PAWR: variants seen among roughly 807,000 people sequenced by gnomAD.
PAWR encodes pro-apoptotic WT1 regulator.
Under a neutral mutation model 32.0 loss-of-function variants are expected in PAWR, and 23 were observed. The observed-to-expected ratio is 0.72, with a 90% CI of 0.52 to 1.02. PAWR has a LOEUF of 1.02. Among genes scored for constraint, PAWR ranks in the 50% least tolerant of loss-of-function variants. PAWR has a pLI of 0.00. For missense variants in PAWR, 457 were observed against 437.7 expected (o/e 1.04, Z -0.39); for synonymous variants, 226 against 187.1 (o/e 1.21, Z -1.70).
chr12:79,596,694 T>A lies in PAWR; in HGVS notation c.684-36A>T, dbSNP rs768047687. 6 of 1,421,212 alleles carry A rather than the reference T, an allele frequency of 4.2e-6. No individual in the cohort carries two copies. In the African/African-American group the frequency reaches 5.9e-5, roughly 14 times the overall value. The allele number at this position is 1,421,212 out of a possible 1,614,324, so 88.0% of individuals were successfully genotyped here. ...ATAAACATTTTATTAAAATCCCTAGTATTCAGCAAGAAAAATGCCAAGAAT... is the reference window on the plus strand; with the variant it reads ...ATAAACATTTTATTAAAATCCCTAGAATTCAGCAAGAAAAATGCCAAGAAT... On this transcript the variant is annotated intron_variant, in intron 4 of 6. Transcript: ENST00000328827.
chr12:79,660,546 A>G (rs1299234238), intron 2 of PAWR, among the ~76,000 whole-genome samples: 2 of 151,878 alleles, frequency 1.3e-5, no homozygotes, highest in Admixed American at 6.6e-5. Context: ...CAGACGTGAT[A>G]TATCTAGCAA....
intron 2 of PAWR, among the ~76,000 whole-genome samples, chr12:79,680,936 A>T (rs1186951438): frequency 6.6e-6 from 1 of 151,842 alleles, no homozygotes; most frequent in Non-Finnish European, 1.5e-5. Flanking sequence ...CAACATACTG[A>T]GACCCCATCT....
At chr12:79,593,123 A>G (rs1873615982) in intron 6 of PAWR, among the ~76,000 whole-genome samples, 1 of 152,036 alleles carries the variant, frequency 6.6e-6, no homozygotes, top group African/African-American at 2.4e-5. Context: ...CAAAAGGTGC[A>G]GGTACAAGTT....
At chr12:79,690,474 C>G (rs974437839) in intron 1 of PAWR, 83 bp from the exon 2 acceptor site, 3 of 852,574 alleles carry the variant, frequency 3.5e-6, no homozygotes, top group Non-Finnish European at 4.8e-6. Context: ...GGCTGCGCCC[C>G]TTGGAGTCCT....
chr12:79,646,866 C>T (rs557947634), intron 2 of PAWR, among the ~76,000 whole-genome samples: 6 of 152,142 alleles, frequency 3.9e-5, no homozygotes, highest in African/African-American at 1.2e-4. Flanking sequence ...AGTTTGTAAA[C>T]TATCAAATAA....
At position 79,587,924 on chromosome 12, in the gene PAWR, C is replaced by G. The variant is rs183070376; in HGVS notation, c.*4683G>C. On this transcript the variant is annotated 3_prime_UTR_variant, in exon 7 of 7. Transcript: ENST00000328827. ...ATGATCAAAGCTGTCTAACACAATACTAATGTGTTCAATAAATTATCCAGA... is the reference window on the plus strand; with the variant it reads ...ATGATCAAAGCTGTCTAACACAATAGTAATGTGTTCAATAAATTATCCAGA... 7 of 152,022 alleles carry G rather than the reference C, an allele frequency of 4.6e-5. No individual in the cohort carries two copies. Among genetic ancestry groups the G allele is most frequent in the Admixed American group, 4.6e-4 (7 of 15,268 alleles). The allele number at this position is 152,022 out of a possible 1,614,324, so 9.4% of individuals were successfully genotyped here.
intron 4 of PAWR, among the ~76,000 whole-genome samples, chr12:79,598,281 G>T (rs1161766528): frequency 6.6e-6 from 1 of 152,162 alleles, no homozygotes; most frequent in African/African-American, 2.4e-5. Context: ...AGGTTGGACC[G>T]AGGACAATGC....
intron 4 of PAWR, among the ~76,000 whole-genome samples, chr12:79,613,321 T>C (rs1269297066): frequency 6.6e-6 from 1 of 152,228 alleles, no homozygotes; most frequent in African/African-American, 2.4e-5. Flanking sequence ...GAAATAGCAA[T>C]TCAAGGCATT....
Position 79,689,905 on chromosome 12 carries a change from C to G in PAWR, c.340G>C (p.Ala114Pro), listed in dbSNP as rs2136905987. 1 of 1,481,692 alleles carries G rather than the reference C, an allele frequency of 6.7e-7. No homozygotes were observed. The highest frequency in any genetic ancestry group is 1.3e-5 in the South Asian group (1 of 75,356). 91.8% of individuals were successfully genotyped at this position (1,481,692 alleles called of 1,614,324 possible). ...GPRRSEDEPP[A>P]ASASAAPPPQ... ...GGCGGTGCAGCCGAGGCAGAGGCGGCTGGGGGCTCGTCCTCCGACCGCCGC... is the reference window on the plus strand; with the variant it reads ...GGCGGTGCAGCCGAGGCAGAGGCGGGTGGGGGCTCGTCCTCCGACCGCCGC... The change falls in exon 2 of 7, where the codon GCC becomes CCC. Residue 114 changes from alanine to proline, a missense_variant. Coordinates refer to ENST00000328827, the MANE Select transcript of PAWR (RefSeq NM_002583.4).
chr12:79,594,168 G>A (rs956185002), intron 6 of PAWR, among the ~76,000 whole-genome samples, 161 bp downstream of exon 6: 2 of 151,972 alleles, frequency 1.3e-5, no homozygotes, highest in African/African-American at 4.8e-5. Flanking sequence ...CTGCCCAAAG[G>A]AAATCAGTTT....
At chr12:79,674,035 C>A (rs1335292538) in intron 2 of PAWR, among the ~76,000 whole-genome samples, 2 of 151,766 alleles carry the variant, frequency 1.3e-5, no homozygotes, top group East Asian at 3.9e-4. Context: ...TCATTATTTG[C>A]AGAATTAGAA....
chr12:79,604,116 T>C, intron 4 of PAWR: 1 of 382,792 alleles, frequency 2.6e-6, no homozygotes, highest in Non-Finnish European at 3.6e-6. Context: ...ATTTAACCTA[T>C]TTTGAAAGCC....
At chr12:79,671,472 C>T (rs1170421688) in intron 2 of PAWR, among the ~76,000 whole-genome samples, 1 of 152,110 alleles carries the variant, frequency 6.6e-6, no homozygotes, top group Non-Finnish European at 1.5e-5. Flanking sequence ...TGTAGATATT[C>T]ATCAAACTGA....
chr12:79,602,586 G>A (rs958046167), intron 4 of PAWR, among the ~76,000 whole-genome samples: 18 of 152,086 alleles, frequency 1.2e-4, no homozygotes, highest in Admixed American at 3.3e-4. Flanking sequence ...AAAAAAATAA[G>A]TGTCATAAAT....
At chr12:79,675,971 G>A (rs1346207783) in intron 2 of PAWR, among the ~76,000 whole-genome samples, 1 of 151,916 alleles carries the variant, frequency 6.6e-6, no homozygotes, top group Non-Finnish European at 1.5e-5. Context: ...CCATTGTGAA[G>A]CTGGAAGCAC....
chr12:79,601,373 T>C (rs1056405428), intron 4 of PAWR, among the ~76,000 whole-genome samples: 1 of 151,898 alleles, frequency 6.6e-6, no homozygotes, highest in African/African-American at 2.4e-5. Context: ...GCCCGCTAAT[T>C]TATCTTAATT....
At chr12:79,674,622 C>A (rs1041513649) in intron 2 of PAWR, among the ~76,000 whole-genome samples, 4 of 152,014 alleles carry the variant, frequency 2.6e-5, no homozygotes, top group Admixed American at 6.6e-5. Context: ...AAAAGACAAT[C>A]TACAGAATGG....
At chr12:79,613,542 T>A in intron 4 of PAWR, 33 bp downstream of exon 4, 1 of 1,239,452 alleles carries the variant, frequency 8.1e-7, no homozygotes, top group Non-Finnish European at 1.2e-6. Context: ...TACATTCATG[T>A]CTACAATATG....
At chr12:79,649,438 G>A (rs1462835589) in intron 2 of PAWR, among the ~76,000 whole-genome samples, 1 of 151,730 alleles carries the variant, frequency 6.6e-6, no homozygotes, top group African/African-American at 2.4e-5. Context: ...TGTATGTTAG[G>A]ATATTTATTA....
Sources: gnomAD v4.1 joint callset for allele counts (sites outside exome capture counted in the v4.1 genomes callset) on GRCh38, gnomAD v4.1.1 for gene constraint, MANE v1.5 for transcripts, NCBI Gene and HGNC (gene_info 2026-07-23, HGNC 2026-07-21) for gene names.